VSTM2A: variants seen among roughly 807,000 people sequenced by gnomAD.
The protein encoded by VSTM2A is V-set and transmembrane domain-containing protein 2A.
In VSTM2A, 13 loss-of-function variants were observed where a neutral mutation model predicts 27.3. The ratio of observed to expected loss-of-function variants is 0.48; its 90% CI spans 0.31 to 0.76. The LOEUF is 0.76. Among genes scored for constraint, VSTM2A ranks in the 30% least tolerant of loss-of-function variants. VSTM2A has a pLI of 0.05. For missense variants in VSTM2A, 280 were observed against 310.0 expected (o/e 0.90, Z 0.73); for synonymous variants, 142 against 125.7 (o/e 1.13, Z -0.87).
chr7:54,545,029 C>T (rs1787900332), intron 2 of VSTM2A, among the ~76,000 whole-genome samples: 1 of 152,222 alleles, frequency 6.6e-6, no homozygotes, highest in Non-Finnish European at 1.5e-5. Context: ...GAAGCGCCTC[C>T]TCCTGTAAGT....
rs1199050469 is a variant in VSTM2A at position 54,570,929 on chromosome 7, A to C, written c.*1710A>C. 1 of 152,202 alleles carries C rather than the reference A, an allele frequency of 6.6e-6. No homozygotes were observed. The highest frequency in any genetic ancestry group is 1.5e-5 in the Non-Finnish European group (1 of 68,030). 9.4% of individuals were successfully genotyped at this position (152,202 alleles called of 1,614,324 possible). On this transcript the variant is annotated 3_prime_UTR_variant, in exon 5 of 5. Transcript: ENST00000402613. ...ATTTTCTTTGATTCAGTTATAAGCAAGTATATATTTTCATAATATTCTTGA... is the reference window on the plus strand; with the variant it reads ...ATTTTCTTTGATTCAGTTATAAGCACGTATATATTTTCATAATATTCTTGA...
At chr7:54,563,771 A>T (rs1788635491) in intron 4 of VSTM2A, among the ~76,000 whole-genome samples, 1 of 152,208 alleles carries the variant, frequency 6.6e-6, no homozygotes. Context: ...CAAGAAAGGG[A>T]ATTTAAACAG....
rs1196901566 is a variant in VSTM2A, at chr7:54,569,626, A to T, written c.*407A>T. On this transcript the variant is annotated 3_prime_UTR_variant, in exon 5 of 5. Transcript: ENST00000402613. The stretch of plus-strand genomic sequence containing the variant: ...GGAGGACATTACTTTAAGGAATAAC[A>T]TGAGAAAGAAATTTTTTTATTTTCC... 1.3e-5 allele frequency: 2 copies of T among 159,922 alleles called. No homozygotes were observed. Among genetic ancestry groups the T allele is most frequent in the Non-Finnish European group, 2.7e-5 (2 of 73,324 alleles). 9.9% of individuals were successfully genotyped at this position (159,922 alleles called of 1,614,324 possible). A position where few individuals can be genotyped will look rare whatever the true frequency, so the allele number is the denominator to read the frequency against.
rs1280286170 is a variant in VSTM2A at position 54,542,487 on chromosome 7, G to C, written c.-244G>C. ...TGAAAGCAGGCAGCCAGGCAGCCGA[G>C]ACACTTCCCAGCGATTCCAGCCTGG... On this transcript the variant is annotated 5_prime_UTR_variant, in exon 1 of 5. Transcript: ENST00000402613. 1.9e-5 allele frequency: 10 copies of C among 530,752 alleles called. No homozygotes were observed. The highest frequency in any genetic ancestry group is 3.3e-5 in the Non-Finnish European group (10 of 303,718). The allele number at this position is 530,752 out of a possible 1,614,324, so 32.9% of individuals were successfully genotyped here. A position where few individuals can be genotyped will look rare whatever the true frequency, so the allele number is the denominator to read the frequency against.
chr7:54,566,045 C>T (rs973927184), intron 4 of VSTM2A, among the ~76,000 whole-genome samples: 8 of 152,176 alleles, frequency 5.3e-5, no homozygotes, highest in Non-Finnish European at 1.0e-4. Context: ...GAAAACACCT[C>T]CTCTGCCTTA....
chr7:54,554,657 C>G (rs1403366550), intron 4 of VSTM2A, among the ~76,000 whole-genome samples: 1 of 152,188 alleles, frequency 6.6e-6, no homozygotes, highest in Non-Finnish European at 1.5e-5. Flanking sequence ...GCTGGCAGCA[C>G]CTGCTGAGCC....
intron 4 of VSTM2A, chr7:54,568,921 A>AAT (rs1020345695): frequency 3.2e-5 from 46 of 1,417,698 alleles, no homozygotes; most frequent in Admixed American, 6.6e-5. Context: ...GAGCTAATTA[A>AAT]ATATATATAT....
At chr7:54,546,554 G>GCCCCC (rs763266624) in intron 2 of VSTM2A, 3 of 161,680 alleles carry the variant, frequency 1.9e-5, no homozygotes, top group African/African-American at 2.6e-5. Flanking sequence ...CACCCCTGGC[G>GCCCCC]CCCCCCCGCC....
intron 4 of VSTM2A, among the ~76,000 whole-genome samples, chr7:54,566,707 G>A (rs1419307524): frequency 1.3e-5 from 2 of 152,188 alleles, no homozygotes; most frequent in African/African-American, 4.8e-5. Flanking sequence ...ATTCTACACA[G>A]TTATTATGCT....
chr7:54,550,428 T>A (rs1788153620), intron 4 of VSTM2A: 7 of 931,356 alleles, frequency 7.5e-6, no homozygotes, highest in Non-Finnish European at 1.1e-5. Context: ...TTTTTATCCT[T>A]TCTGTATTTA....
intron 2 of VSTM2A, among the ~76,000 whole-genome samples, chr7:54,546,388 G>A (rs1787969258): frequency 1.3e-5 from 2 of 152,044 alleles, no homozygotes; most frequent in African/African-American, 2.4e-5. Flanking sequence ...TTGAGCGAGA[G>A]GCGGCGCCCC....
intron 3 of VSTM2A, among the ~76,000 whole-genome samples, chr7:54,548,577 A>C (rs1484074566): frequency 2.0e-5 from 3 of 152,108 alleles, no homozygotes; most frequent in Non-Finnish European, 4.4e-5. Flanking sequence ...CAAACACCCC[A>C]AGCCTCAGTT....
intron 4 of VSTM2A, among the ~76,000 whole-genome samples, chr7:54,563,633 G>GT (rs1788629490): frequency 6.6e-6 from 1 of 152,126 alleles, no homozygotes; most frequent in Non-Finnish European, 1.5e-5. Context: ...ACAGTCTCTG[G>GT]TGAATGGAGT....
intron 4 of VSTM2A, among the ~76,000 whole-genome samples, chr7:54,560,212 A>ATT (rs1788512590): frequency 6.6e-6 from 1 of 152,050 alleles, no homozygotes; most frequent in Non-Finnish European, 1.5e-5. Context: ...AAATCTTAAA[A>ATT]ATATCTACAC....
At chr7:54,563,780 A>T (rs35102201) in intron 4 of VSTM2A, among the ~76,000 whole-genome samples, 1 of 152,350 alleles carries the variant, frequency 6.6e-6, no homozygotes, top group African/African-American at 2.4e-5. Context: ...GAATTTAAAC[A>T]GCTGCTACCA....
At chr7:54,547,036 C>A (rs201106543) in intron 3 of VSTM2A, 39 bp downstream of exon 3, 1 of 1,554,812 alleles carries the variant, frequency 6.4e-7, no homozygotes, top group Non-Finnish European at 8.7e-7. Context: ...GGCCCAGGCT[C>A]GGGACGCACA....
At chr7:54,560,870 A>G (rs923988624) in intron 4 of VSTM2A, among the ~76,000 whole-genome samples, 6 of 152,224 alleles carry the variant, frequency 3.9e-5, no homozygotes, top group Non-Finnish European at 8.8e-5. Context: ...TTTAAAATGT[A>G]AAGGTATCAA....
intron 2 of VSTM2A, 58 bp from the exon 3 acceptor site, chr7:54,546,889 G>C: frequency 6.3e-7 from 1 of 1,587,374 alleles, no homozygotes; most frequent in Admixed American, 1.7e-5. Flanking sequence ...ATGCTCGCGT[G>C]GGAGCGGGTG....
intron 2 of VSTM2A, 121 bp from the exon 3 acceptor site, chr7:54,546,826 C>A: frequency 7.4e-7 from 1 of 1,359,204 alleles, no homozygotes; most frequent in Non-Finnish European, 9.9e-7. Flanking sequence ...CGCCCCTGGT[C>A]GCTCCCCTGT....
Sources: allele counts gnomAD v4.1 joint callset (sites outside exome capture counted in the v4.1 genomes callset), GRCh38; gene constraint gnomAD v4.1.1; transcripts MANE v1.5; gene names NCBI Gene and HGNC (gene_info 2026-07-23, HGNC 2026-07-21).